The following SATL1 variants were observed in gnomAD, a reference collection of about 807,000 sequenced individuals.
The protein encoded by SATL1 is spermidine/spermine N1-acetyl transferase like 1.
In SATL1, 47 loss-of-function variants were observed where a neutral mutation model predicts 51.8. That is an observed-to-expected ratio of 0.91 (90% CI 0.72 to 1.16). The LOEUF (loss-of-function observed/expected upper bound fraction) is 1.16, where lower values mean the gene tolerates loss of function less well. SATL1 is among the 50% of genes most tolerant of loss of function. The pLI is 0.00. For synonymous variants in SATL1, 176 were observed against 182.4 expected (o/e 0.97, Z 0.28); for missense variants, 520 against 526.4 (o/e 0.99, Z 0.12).
chrX:85,177,429 C>T (rs910963733), intron 2 of SATL1, among the ~76,000 whole-genome samples: 1 of 111,489 alleles, frequency 9.0e-6, no homozygotes. Flanking sequence ...GCGAACCTCT[C>T]AGGTCCCCAG....
intron 2 of SATL1, among the ~76,000 whole-genome samples, chrX:85,140,959 G>T (rs1198996334): frequency 3.6e-5 from 4 of 111,475 alleles, no homozygotes; most frequent in Non-Finnish European, 7.5e-5. Context: ...GGCAGTCCCA[G>T]GCTTGATTCA....
intron 2 of SATL1, among the ~76,000 whole-genome samples, chrX:85,110,543 T>G (rs1290028594): frequency 8.9e-6 from 1 of 111,891 alleles, no homozygotes; most frequent in African/African-American, 3.2e-5. Context: ...GTGATGCATG[T>G]ACCGTTGTTC....
intron 2 of SATL1, among the ~76,000 whole-genome samples, chrX:85,205,443 A>G (rs1927773563): frequency 8.9e-6 from 1 of 112,276 alleles, no homozygotes; most frequent in African/African-American, 3.2e-5. Flanking sequence ...CTATAAATAA[A>G]ATAAAACAGG....
chrX:85,195,965 T>TG (rs202236819), intron 2 of SATL1, among the ~76,000 whole-genome samples: 4 of 110,161 alleles, frequency 3.6e-5, no homozygotes, highest in East Asian at 5.7e-4. Flanking sequence ...TCTTCAAGGC[T>TG]GGGGGGAAAT....
At chrX:85,162,433 T>C (rs760411900) in intron 2 of SATL1, among the ~76,000 whole-genome samples, 2 of 111,542 alleles carry the variant, frequency 1.8e-5, no homozygotes, top group African/African-American at 6.5e-5. Context: ...TCTAGGAGCT[T>C]TTTGGATGAG....
chrX:85,162,693 T>G (rs1926750367), intron 2 of SATL1, among the ~76,000 whole-genome samples: 1 of 111,747 alleles, frequency 8.9e-6, no homozygotes, highest in Admixed American at 9.6e-5. Context: ...AAATGGCTTT[T>G]ATTACCTTGA....
intron 4 of SATL1, among the ~76,000 whole-genome samples, chrX:85,098,320 A>G (rs1279320474): frequency 9.0e-6 from 1 of 111,582 alleles, no homozygotes; most frequent in Non-Finnish European, 1.9e-5. Context: ...CAGCTCCAAA[A>G]TATATGAAGC....
chrX:85,169,010 C>A (rs1465309439), intron 2 of SATL1, among the ~76,000 whole-genome samples: 1 of 112,076 alleles, frequency 8.9e-6, no homozygotes, highest in African/African-American at 3.2e-5. Context: ...ATGACAAAAA[C>A]AAGCAATGGG....
chrX:85,139,529 C>A (rs779691975), intron 2 of SATL1, among the ~76,000 whole-genome samples: 3 of 110,829 alleles, frequency 2.7e-5, no homozygotes, highest in Non-Finnish European at 5.7e-5. Flanking sequence ...ACATACTTAA[C>A]CCTACCATAA....
At chrX:85,227,703 T>C (rs1928303184) in intron 1 of SATL1, among the ~76,000 whole-genome samples, 1 of 111,420 alleles carries the variant, frequency 9.0e-6, no homozygotes, top group Admixed American at 9.6e-5. Context: ...AACTGGGTAA[T>C]GTAGATGAAA....
chrX:85,160,614 G>C (rs1458443921), intron 2 of SATL1, among the ~76,000 whole-genome samples: 2 of 110,394 alleles, frequency 1.8e-5, no homozygotes, highest in Non-Finnish European at 3.8e-5. Context: ...TTCTAAGACA[G>C]TCAGAAAAGA....
chrX:85,202,494 T>C (rs1927706857), intron 2 of SATL1, among the ~76,000 whole-genome samples: 1 of 111,775 alleles, frequency 8.9e-6, no homozygotes, highest in Non-Finnish European at 1.9e-5. Flanking sequence ...TCTTGAGTGC[T>C]GGCTATAGTT....
Position 85,108,862 on chromosome X carries a change from T to C in SATL1, c.107A>G (p.Gln36Arg), listed in dbSNP as rs1452066774. The change falls in exon 3 of 8, where the codon CAA becomes CGA. Residue 36 changes from glutamine (Q) to arginine (R), a missense_variant. Transcript: ENST00000644105. Reference sequence around the variant, plus strand: ...CATTTCATATAGGCTTGCACTCCCTTGGTTCATGTCCATTTGGTTCATACC... The same window carrying C: ...CATTTCATATAGGCTTGCACTCCCTCGGTTCATGTCCATTTGGTTCATACC... ...SLGMNQMDMN[Q>R]GSASLYEMNQ... 1 of 1,210,324 alleles carries C rather than the reference T, an allele frequency of 8.3e-7. No homozygotes were observed. Among genetic ancestry groups the C allele is most frequent in the Non-Finnish European group, 1.1e-6 (1 of 895,366 alleles).
chrX:85,197,981 C>T (rs762724472), intron 2 of SATL1, among the ~76,000 whole-genome samples: 1 of 110,490 alleles, frequency 9.1e-6, no homozygotes, highest in South Asian at 3.9e-4. Context: ...CTTGCCCCTG[C>T]CACTACTCTT....
At chrX:85,229,622 T>TTA (rs202073879) in intron 1 of SATL1, among the ~76,000 whole-genome samples, 13,700 of 107,918 alleles carry the variant, frequency 0.13, 696 homozygotes, top group South Asian at 0.17. Flanking sequence ...CATTCAGAAT[T>TTA]AAAAAAAAAG....
chrX:85,156,813 T>TTATA (rs71933802), intron 2 of SATL1, among the ~76,000 whole-genome samples: 71 of 62,212 alleles, frequency 1.1e-3, no homozygotes, highest in African/African-American at 1.5e-3. Context: ...CATGTGGAGA[T>TTATA]TATATATATA....
chrX:85,135,761 A>ATTTTTTTTTTTTTTT (rs1569234174), intron 2 of SATL1, among the ~76,000 whole-genome samples: 4 of 102,559 alleles, frequency 3.9e-5, no homozygotes, highest in East Asian at 3.2e-4. Context: ...TGTACTTTTC[A>ATTTTTTTTTTTTTTT]TAGAGATGGG....
chrX:85,151,722 T>A (rs1484791548), intron 2 of SATL1, among the ~76,000 whole-genome samples: 1 of 111,628 alleles, frequency 9.0e-6, no homozygotes, highest in Non-Finnish European at 1.9e-5. Context: ...GGGGAAAGAA[T>A]TCCCTATTTA....
At chrX:85,180,407 T>C (rs73234617) in intron 2 of SATL1, among the ~76,000 whole-genome samples, 12,051 of 110,683 alleles carry the variant, frequency 0.11, 568 homozygotes, top group South Asian at 0.17. Flanking sequence ...CATACCTAGG[T>C]TATATGGTAT....
Sources: gnomAD v4.1 joint callset for allele counts (sites outside exome capture counted in the v4.1 genomes callset) on GRCh38, gnomAD v4.1.1 for gene constraint, MANE v1.5 for transcripts, NCBI Gene and HGNC (gene_info 2026-07-23, HGNC 2026-07-21) for gene names.